The following DNAH10 variants were observed in gnomAD, a reference collection of about 807,000 sequenced individuals.
The protein encoded by DNAH10 is dynein axonemal heavy chain 10.
In DNAH10, 348 loss-of-function variants were observed where a neutral mutation model predicts 506.6. That is an observed-to-expected ratio of 0.69 (90% CI 0.63 to 0.75). The LOEUF (loss-of-function observed/expected upper bound fraction) is 0.75, where lower values mean the gene tolerates loss of function less well. DNAH10 is among the 30% of genes least tolerant of loss of function. The pLI is 0.00. For missense variants in DNAH10, 5,179 were observed against 5,787.1 expected, an observed-to-expected ratio of 0.89 and a Z score of 3.41; for synonymous variants, 2,059 against 2,198.6, an observed-to-expected ratio of 0.94 and a Z score of 1.78.
At chr12:123,798,659 C>T (rs1458400037) in intron 13 of DNAH10, among the ~76,000 whole-genome samples, 2 of 150,588 alleles carry the variant, frequency 1.3e-5, no homozygotes, top group African/African-American at 2.4e-5. Context: ...CTTCCTTTTT[C>T]AAAATGTGTT....
chr12:123,839,223 A>C (rs1311479822), intron 29 of DNAH10, among the ~76,000 whole-genome samples: 1 of 149,438 alleles, frequency 6.7e-6, no homozygotes, highest in Non-Finnish European at 1.5e-5. Context: ...ACTAAAAAAA[A>C]AAAAAAAACA....
intron 1 of DNAH10, among the ~76,000 whole-genome samples, chr12:123,765,557 CTATACTTTA>C (rs1362381845): frequency 1.0e-4 from 9 of 90,240 alleles, no homozygotes; most frequent in African/African-American, 4.4e-4. Context: ...ATGCATCTAT[CTATACTTTA>C]TCTATCTATC....
At chr12:123,844,224 T>C (rs1335021442) in intron 30 of DNAH10, among the ~76,000 whole-genome samples, 2 of 152,160 alleles carry the variant, frequency 1.3e-5, no homozygotes, top group East Asian at 3.9e-4. Flanking sequence ...GAGAACAGCA[T>C]GGGGAAACCG....
chr12:123,787,731 TC>T lies in DNAH10; in HGVS notation c.1422-69del. 6.5e-7 allele frequency: 1 copy of T among 1,543,908 alleles called. No individual in the cohort carries two copies. Among genetic ancestry groups the T allele is most frequent in the Non-Finnish European group, 8.8e-7 (1 of 1,136,782 alleles). On this transcript the variant is annotated intron_variant, in intron 9 of 78. Transcript: ENST00000673944. This position sits in a 1 kb window ranked among gnomAD's most constrained non-coding sequence, Gnocchi z 4.6. ...GGTCAGAGCTTCACGGGACACTGGC[TC>T]CCCAGCCGGGGAGTGCGGCTCGGAC...
chr12:123,788,454 C>T (rs1479487713), intron 10 of DNAH10, among the ~76,000 whole-genome samples: 4 of 152,264 alleles, frequency 2.6e-5, no homozygotes, highest in Admixed American at 1.3e-4. Flanking sequence ...TAAAGGTTCA[C>T]CCACCCCTTC....
intron 20 of DNAH10, 43 bp downstream of exon 20, chr12:123,813,683 G>A (rs1959032926): frequency 6.2e-7 from 1 of 1,613,014 alleles, no homozygotes; most frequent in Non-Finnish European, 8.5e-7. Flanking sequence ...TTTCGTGTAA[G>A]TTGGGTCTTC....
rs1957834621 is a variant in DNAH10, at chr12:123,785,937, G to A, written c.1421+1G>A. ...TGGTCAACCTGCGGACTTTGTTCAA[G>A]TAAGAAGCCATGGCGTTCATTTTTT... On this transcript the variant is annotated splice_donor_variant, in intron 9 of 78. Coordinates refer to ENST00000673944, the MANE Select transcript of DNAH10 (RefSeq NM_001372106.1). LOFTEE classifies it high-confidence loss of function. The surrounding 1 kb of genome is among the most constrained non-coding windows in gnomAD (Gnocchi z 4.1). The A allele has an allele frequency of 6.2e-7, 1 of 1,605,364 alleles. No homozygotes were observed. Among genetic ancestry groups the A allele is most frequent in the South Asian group, 1.1e-5 (1 of 90,832 alleles).
chr12:123,913,000 A>G (rs1317778234), intron 59 of DNAH10, 98 bp from the exon 60 acceptor site: 3 of 1,155,814 alleles, frequency 2.6e-6, no homozygotes, highest in East Asian at 2.6e-5. Flanking sequence ...CACAGACACC[A>G]TTAGAGCAGT....
chr12:123,762,445 G>T lies in DNAH10; in HGVS notation c.109G>T (p.Glu37Ter). 6.8e-7 allele frequency: 1 copy of T among 1,469,808 alleles called. No homozygotes were observed. 91.0% of individuals were successfully genotyped at this position (1,469,808 alleles called of 1,614,324 possible). A position where few individuals can be genotyped will look rare whatever the true frequency, so the allele number is the denominator to read the frequency against. ...GCTCAACCGCGACGACGGCCAGGGC[G>T]AGGACCTCATCTTGCACTTCCTCAA... ...DLLNRDDGQG[E>*]DLILHFLNQA... Residue 37 changes from glutamate to a stop codon, truncating the protein, a stop_gained, in exon 1 of 79, where the codon GAG (glutamate) becomes TAG (stop). Transcript: ENST00000673944. LOFTEE classifies it high-confidence loss of function. This position sits in a 1 kb window ranked among gnomAD's most constrained non-coding sequence, Gnocchi z 5.0.
chr12:123,787,088 G>A lies in DNAH10; in HGVS notation c.1422-716G>A, dbSNP rs1474575772. On this transcript the variant is annotated intron_variant, in intron 9 of 78. Coordinates refer to ENST00000673944, the MANE Select transcript of DNAH10 (RefSeq NM_001372106.1). This position sits in a 1 kb window ranked among gnomAD's most constrained non-coding sequence, Gnocchi z 4.6. Reference sequence around the variant, plus strand: ...CAGGAAGTGGAGGTTGCAGTGAGCCGAGATTGCACCTGTCTATATCTGTAT... The same window carrying A: ...CAGGAAGTGGAGGTTGCAGTGAGCCAAGATTGCACCTGTCTATATCTGTAT... 5.3e-5 allele frequency among the ~76,000 whole-genome samples: 8 copies of A among 152,120 alleles called. No homozygotes were observed. Among genetic ancestry groups the A allele is most frequent in the Admixed American group, 4.6e-4 (7 of 15,268 alleles).
chr12:123,816,836 C>T (rs1959160564), intron 21 of DNAH10, among the ~76,000 whole-genome samples: 1 of 152,168 alleles, frequency 6.6e-6, no homozygotes, highest in Non-Finnish European at 1.5e-5. Context: ...TACAGGAATC[C>T]ACGTGTTCAG....
chr12:123,789,975 A>G lies in DNAH10; in HGVS notation c.1669A>G (p.Thr557Ala), dbSNP rs1958017254. ...NIFGPELKAV[T>A]GDPKRIDDVL... The stretch of plus-strand genomic sequence containing the variant: ...ATTTGGTCCAGAACTAAAGGCAGTG[A>G]CGGGGGACCCCAAGCGCATTGATGA... The change falls in exon 11 of 79, where the codon ACG (threonine) becomes GCG (alanine). Residue 557 changes from threonine (T) to alanine (A), a missense_variant. Transcript: ENST00000673944. The G allele has an allele frequency of 6.2e-7, 1 of 1,614,098 alleles. No individual in the cohort carries two copies. Among genetic ancestry groups the G allele is most frequent in the Non-Finnish European group, 8.5e-7 (1 of 1,179,994 alleles).
chr12:123,799,623 AT>A (rs977267062), intron 14 of DNAH10, among the ~76,000 whole-genome samples: 4 of 152,180 alleles, frequency 2.6e-5, no homozygotes, highest in African/African-American at 9.7e-5. Context: ...CCGTTTCCCC[AT>A]TTATGAAATG....
At chr12:123,838,013 A>T (rs187853708) in intron 28 of DNAH10, among the ~76,000 whole-genome samples, 8 of 152,108 alleles carry the variant, frequency 5.3e-5, no homozygotes, top group African/African-American at 1.9e-4. Flanking sequence ...CATTGAGGCT[A>T]TTTCTTTCTT....
chr12:123,824,363 G>C (rs1170923623), intron 24 of DNAH10, among the ~76,000 whole-genome samples: 1 of 152,162 alleles, frequency 6.6e-6, no homozygotes, highest in Admixed American at 6.5e-5. Flanking sequence ...ACGTTCCTGT[G>C]GTGATGTTGA....
At chr12:123,769,826 G>A (rs1366763552) in intron 2 of DNAH10, among the ~76,000 whole-genome samples, 3 of 151,442 alleles carry the variant, frequency 2.0e-5, no homozygotes, top group Admixed American at 2.0e-4. Context: ...TGATCATAGT[G>A]CCCTGTAGCC....
chr12:123,833,289 T>G lies in DNAH10; in HGVS notation c.4721T>G (p.Phe1574Cys). The G allele has an allele frequency of 6.2e-7, 1 of 1,613,864 alleles. No individual in the cohort carries two copies. The highest frequency in any genetic ancestry group is 8.5e-7 in the Non-Finnish European group (1 of 1,179,858). The stretch of plus-strand genomic sequence containing the variant: ...TCAGGAAGCAGATTTGTGGGGCCTT[T>G]TCTGCAAACTGTTCACAAATGGGAA... ...SISGSRFVGPFLQTVHKWEKT... is the reference protein window; with the variant it reads ...SISGSRFVGPCLQTVHKWEKT... The change falls in exon 27 of 79, where the codon TTT becomes TGT. Residue 1574 changes from phenylalanine to cysteine, a missense_variant. Transcript: ENST00000673944.
rs1031124556 is a variant in DNAH10 at position 123,856,763 on chromosome 12, TAAA to T, written c.6439-289_6439-287del. On this transcript the variant is annotated intron_variant, in intron 36 of 78. Coordinates refer to ENST00000673944, the MANE Select transcript of DNAH10 (RefSeq NM_001372106.1). ...TATTTATTTACATATTAATATAAAA[TAAA>T]AAATAAAATTATATAATTTCTGTAT... is the stretch of plus-strand genomic sequence containing the variant. Among the ~76,000 whole-genome samples the T allele has an allele frequency of 1.1e-4, 16 of 147,564 alleles. 1 individual carries two copies. In the South Asian group the frequency reaches 2.3e-3, roughly 21 times the overall value.
At chr12:123,824,461 C>T (rs1342505726) in intron 24 of DNAH10, among the ~76,000 whole-genome samples, 1 of 152,056 alleles carries the variant, frequency 6.6e-6, no homozygotes, top group African/African-American at 2.4e-5. Flanking sequence ...AGGTACTGAG[C>T]CACCAGTTCA....
Sources: allele counts gnomAD v4.1 joint callset (sites outside exome capture counted in the v4.1 genomes callset), GRCh38; gene constraint gnomAD v4.1.1; non-coding constraint Gnocchi (gnomAD v3.1); transcripts MANE v1.5; gene names NCBI Gene and HGNC (gene_info 2026-07-23, HGNC 2026-07-21).